The following RAD51B variants were observed in gnomAD, a reference collection of about 807,000 sequenced individuals.
RAD51B encodes RAD51 paralog B.
A neutral mutation model predicts 42.2 loss-of-function variants in RAD51B; 38 were observed. That is an observed-to-expected ratio of 0.90 (90% CI 0.70 to 1.18). The LOEUF (loss-of-function observed/expected upper bound fraction) is 1.18, where lower values mean the gene tolerates loss of function less well. Among genes scored for constraint, RAD51B ranks in the 50% most tolerant of loss-of-function variants. The probability of loss-of-function intolerance (pLI) is 0.00; values close to 1 mark genes in which losing one functional copy is unlikely to be tolerated. For synonymous variants in RAD51B, 154 were observed against 145.2 expected, an observed-to-expected ratio of 1.06 and a Z score of -0.43; for missense variants, 373 against 400.7, an observed-to-expected ratio of 0.93 and a Z score of 0.59.
At chr14:67,864,894 G>T (rs2042274252) in intron 4 of RAD51B, 109 bp from the exon 5 acceptor site, 1 of 1,415,084 alleles carries the variant, frequency 7.1e-7, no homozygotes, top group South Asian at 1.3e-5. Context: ...AGGTTAGTTG[G>T]ACTGCATATA....
chr14:68,152,792 C>G (rs1361467703), intron 7 of RAD51B, among the ~76,000 whole-genome samples: 1 of 150,542 alleles, frequency 6.6e-6, no homozygotes. Context: ...GTCTGTTGTT[C>G]TCCTCTTTGT....
chr14:67,865,082 G>A lies in RAD51B; in HGVS notation c.395G>A (p.Gly132Glu). The A allele has an allele frequency of 1.2e-6, 2 of 1,602,940 alleles. No individual in the cohort carries two copies. Among genetic ancestry groups the A allele is most frequent in the Non-Finnish European group, 1.7e-6 (2 of 1,175,124 alleles). The change falls in exon 5 of 11, where the codon GGA (glycine) becomes GAA (glutamate). Residue 132 changes from glycine (G) to glutamate (E), a missense_variant. By Grantham distance (98) the Gly-to-Glu change is moderately conservative. Coordinates refer to ENST00000471583, the MANE Select transcript of RAD51B (RefSeq NM_133510.4). ...TTGGCTACATTACCCACCAACATGG[G>A]AGGATTAGAAGGAGCTGTGGTGTAC... ...SILATLPTNM[G>E]GLEGAVVYID...
chr14:67,998,994 CT>C (rs2075433477), intron 7 of RAD51B, among the ~76,000 whole-genome samples: 1 of 151,910 alleles, frequency 6.6e-6, no homozygotes, highest in South Asian at 2.1e-4. Context: ...CTCTTTCCTC[CT>C]CTTTAAACTC....
At chr14:68,212,953 A>G (rs1368355898) in intron 7 of RAD51B, among the ~76,000 whole-genome samples, 2 of 152,186 alleles carry the variant, frequency 1.3e-5, no homozygotes, top group African/African-American at 4.8e-5. Flanking sequence ...GTTGAGGTTA[A>G]GTAGATTCAT....
intron 7 of RAD51B, among the ~76,000 whole-genome samples, chr14:68,169,076 C>T (rs781506266): frequency 2.0e-5 from 3 of 152,268 alleles, no homozygotes; most frequent in Admixed American, 1.3e-4. Flanking sequence ...TTTTCCTAAT[C>T]ACTATAACAG....
At chr14:67,899,079 G>A (rs2043519423) in intron 7 of RAD51B, among the ~76,000 whole-genome samples, 1 of 151,352 alleles carries the variant, frequency 6.6e-6, no homozygotes, top group Non-Finnish European at 1.5e-5. Context: ...GTTTTGCTCT[G>A]TTGCCCAGGC....
At chr14:68,623,706 C>T (rs924315938) in intron 10 of RAD51B, among the ~76,000 whole-genome samples, 1 of 152,160 alleles carries the variant, frequency 6.6e-6, no homozygotes, top group Non-Finnish European at 1.5e-5. Context: ...AACATTCTAG[C>T]CAGGTGTTCC....
Position 68,653,101 on chromosome 14 carries a change from A to C in RAD51B, c.*11+2245A>C, listed in dbSNP as rs373596176. On this transcript the variant is annotated intron_variant, in intron 11 of 11. Coordinates refer to the RAD51B transcript ENST00000488612. ...TCACTCACTATTAGTCAACTTTCTTAAGTTCTAACTTGGTGGGCTCACGGT... is the reference window on the plus strand; with the variant it reads ...TCACTCACTATTAGTCAACTTTCTTCAGTTCTAACTTGGTGGGCTCACGGT... Among the ~76,000 whole-genome samples, 199 of 152,324 alleles carry C rather than the reference A, an allele frequency of 1.3e-3. 3 individuals carry two copies. The highest frequency in any genetic ancestry group is 4.6e-3 in the African/African-American group (193 of 41,564).
At chr14:68,586,817 T>C (rs113947420) in intron 10 of RAD51B, among the ~76,000 whole-genome samples, 11,160 of 152,126 alleles carry the variant, frequency 0.073, 574 homozygotes, top group South Asian at 0.23. Context: ...CCAGCCTGGC[T>C]AACATGGTGA....
rs1298543738 is a variant in RAD51B at position 68,425,975 on chromosome 14, TCTTC to T, written c.957+14480_957+14483del. 8.5e-3 allele frequency among the ~76,000 whole-genome samples: 734 copies of T among 85,892 alleles called. 5 individuals are homozygous for T. The highest frequency in any genetic ancestry group is 0.016 in the Admixed American group (120 of 7,410). 56.3% of individuals were successfully genotyped at this position (85,892 alleles called of 152,430 possible). On this transcript the variant is annotated intron_variant, in intron 9 of 10. Coordinates refer to ENST00000471583, the MANE Select transcript of RAD51B (RefSeq NM_133510.4). ...TTCTTTCTTTCTTTCTTTCTTTCTT[TCTTC>T]CTTCCTTCCTTCCTTCCTTCCTTCC...
chr14:68,306,919 A>C (rs1032517107), intron 8 of RAD51B, among the ~76,000 whole-genome samples: 1 of 152,200 alleles, frequency 6.6e-6, no homozygotes, highest in Non-Finnish European at 1.5e-5. Context: ...TTCTGTTGAC[A>C]GGTCATTGTT....
chr14:68,511,950 A>T lies in RAD51B; in HGVS notation c.1036+43700A>T, dbSNP rs192510267. 5.9e-5 allele frequency among the ~76,000 whole-genome samples: 9 copies of T among 152,258 alleles called. No individual in the cohort carries two copies. The East Asian group carries it at 1.7e-3, about 29-fold the overall frequency. On this transcript the variant is annotated intron_variant, in intron 10 of 10. Coordinates refer to the RAD51B transcript ENST00000487270. ...GTGTCAGATGCTTCTAGGCACTGCT[A>T]ATTTTGTTTCTTTGAAGTTTCTAGA...
chr14:68,160,824 A>C (rs1199067126), intron 7 of RAD51B, among the ~76,000 whole-genome samples: 1 of 152,194 alleles, frequency 6.6e-6, no homozygotes, highest in African/African-American at 2.4e-5. Context: ...GGCCACTTAC[A>C]AACAATGGTG....
intron 7 of RAD51B, among the ~76,000 whole-genome samples, chr14:67,944,733 CT>C (rs1477450681): frequency 6.6e-6 from 1 of 152,126 alleles, no homozygotes; most frequent in Non-Finnish European, 1.5e-5. Context: ...CTAGTAGTTG[CT>C]GCAAGAGTTT....
chr14:68,654,968 G>A (rs533299107), intron 11 of RAD51B, among the ~76,000 whole-genome samples: 1 of 152,148 alleles, frequency 6.6e-6, no homozygotes, highest in Non-Finnish European at 1.5e-5. Flanking sequence ...AGGTAAGTTA[G>A]AGTGAAAGGA....
At chr14:68,549,720 G>A (rs1174627007) in intron 10 of RAD51B, among the ~76,000 whole-genome samples, 1 of 152,104 alleles carries the variant, frequency 6.6e-6, no homozygotes, top group Non-Finnish European at 1.5e-5. Flanking sequence ...GGCCGCCCTG[G>A]ACACATTTTT....
Position 68,288,700 on chromosome 14 carries a change from TACAGTACCTTTATATC to T in RAD51B, c.757-3183_757-3168del, listed in dbSNP as rs1489130298. 2.6e-5 allele frequency among the ~76,000 whole-genome samples: 4 copies of T among 152,352 alleles called. No individual in the cohort carries two copies. In the East Asian group the frequency reaches 5.8e-4, roughly 22 times the overall value. ...ATTGAATTTGTAAGTTTCTGGAGCA[TACAGTACCTTTATATC>T]TTGATTTCCCCCATGTATATGGTGA... On this transcript the variant is annotated intron_variant, in intron 7 of 10. Transcript: ENST00000471583.
intron 4 of RAD51B, among the ~76,000 whole-genome samples, chr14:67,845,197 A>G (rs1404699845): frequency 6.6e-6 from 1 of 152,178 alleles, no homozygotes; most frequent in African/African-American, 2.4e-5. Context: ...TTATAGTGGC[A>G]ATGGTCTATG....
At chr14:68,418,824 A>G (rs561821658) in intron 9 of RAD51B, among the ~76,000 whole-genome samples, 3 of 152,308 alleles carry the variant, frequency 2.0e-5, no homozygotes, top group Admixed American at 1.3e-4. Context: ...AAAATGGGCA[A>G]CCTCATTGGC....
Sources: gnomAD v4.1 joint callset for allele counts (sites outside exome capture counted in the v4.1 genomes callset) on GRCh38, gnomAD v4.1.1 for gene constraint, MANE v1.5 for transcripts, NCBI Gene and HGNC (gene_info 2026-07-23, HGNC 2026-07-21) for gene names.